The following ELAPOR2 variants were observed in gnomAD, a reference collection of about 807,000 sequenced individuals.
ELAPOR2 encodes endosome-lysosome associated apoptosis and autophagy regulator family member 2, also known as endosome/lysosome-associated apoptosis and autophagy regulator family member 2.
A neutral mutation model predicts 120.7 loss-of-function variants in ELAPOR2; 89 were observed. The observed-to-expected ratio is 0.74, with a 90% CI of 0.62 to 0.88. ELAPOR2 has a LOEUF of 0.88. Ranked by LOEUF, ELAPOR2 falls within the 40% of genes least tolerant of loss-of-function variation. The pLI is 0.00. For missense variants in ELAPOR2, 1,134 were observed against 1,251.6 expected, an observed-to-expected ratio of 0.91 and a Z score of 1.42; for synonymous variants, 444 against 444.9, an observed-to-expected ratio of 1.00 and a Z score of 0.03.
At chr7:86,904,555 A>G (rs1788879198) in intron 18 of ELAPOR2, among the ~76,000 whole-genome samples, 1 of 152,188 alleles carries the variant, frequency 6.6e-6, no homozygotes, top group African/African-American at 2.4e-5. Context: ...TTTATCTAAA[A>G]TGTTTCATAC....
At position 87,034,635 on chromosome 7, in the gene ELAPOR2, T is replaced by C. The variant is rs1190244648; in HGVS notation, c.189+24690A>G. ...AAGTTATTTCCTGCTATGCATTATT[T>C]ATATGCCTAAGAATTATCAAGTAGA... On this transcript the variant is annotated intron_variant, in intron 1 of 21. Transcript: ENST00000450689. 2.0e-5 allele frequency among the ~76,000 whole-genome samples: 3 copies of C among 152,218 alleles called. No homozygotes were observed. The East Asian group carries it at 5.8e-4, about 29-fold the overall frequency.
At chr7:86,933,046 A>G (rs1285965693) in intron 8 of ELAPOR2, among the ~76,000 whole-genome samples, 6 of 151,878 alleles carry the variant, frequency 4.0e-5, no homozygotes, top group South Asian at 4.1e-4. Context: ...TCTGACTTAT[A>G]TTCTTCTTTG....
At chr7:87,035,956 G>T (rs76665786) in intron 1 of ELAPOR2, among the ~76,000 whole-genome samples, 3,687 of 152,172 alleles carry the variant, frequency 0.024, 170 homozygotes, top group African/African-American at 0.085. Context: ...TGGTTATGCC[G>T]TCTCAAAACC....
chr7:86,950,660 C>T (rs899911355), intron 2 of ELAPOR2, among the ~76,000 whole-genome samples: 53 of 152,316 alleles, frequency 3.5e-4, no homozygotes, highest in South Asian at 1.2e-3. Flanking sequence ...GCCTGAACCC[C>T]ATGCTCACTC....
intron 10 of ELAPOR2, among the ~76,000 whole-genome samples, chr7:86,925,160 T>G (rs1214669458): frequency 6.6e-6 from 1 of 151,992 alleles, no homozygotes; most frequent in Non-Finnish European, 1.5e-5. Flanking sequence ...CAGGGCACAG[T>G]GCTGAGCCAG....
intron 7 of ELAPOR2, 107 bp from the exon 8 acceptor site, chr7:86,938,321 AC>A: frequency 1.3e-6 from 1 of 778,136 alleles, no homozygotes; most frequent in Non-Finnish European, 2.1e-6. Context: ...AAATAAACTT[AC>A]CAGGGCAATT....
chr7:86,983,689 C>T (rs1792598982), intron 1 of ELAPOR2, among the ~76,000 whole-genome samples: 1 of 152,296 alleles, frequency 6.6e-6, no homozygotes, highest in Non-Finnish European at 1.5e-5. Context: ...GAAGGAAGCA[C>T]TAAACATGGG....
At chr7:86,914,622 C>A (rs1227193798) in intron 13 of ELAPOR2, 101 bp downstream of exon 13, 2 of 914,678 alleles carry the variant, frequency 2.2e-6, no homozygotes, top group Non-Finnish European at 3.2e-6. Flanking sequence ...TTTTAAAAAG[C>A]AGTCCTTTCT....
intron 1 of ELAPOR2, among the ~76,000 whole-genome samples, chr7:87,047,271 T>C (rs1278149547): frequency 2.6e-5 from 4 of 152,088 alleles, no homozygotes; most frequent in African/African-American, 9.7e-5. Context: ...AGGATATTGG[T>C]CTGGGCAAAA....
At chr7:87,016,508 G>A (rs1258262585) in intron 1 of ELAPOR2, among the ~76,000 whole-genome samples, 1 of 151,738 alleles carries the variant, frequency 6.6e-6, no homozygotes, top group Non-Finnish European at 1.5e-5. Context: ...AGCAGTAAGA[G>A]GATGGGTACA....
At chr7:87,021,660 C>G (rs1218312686) in intron 1 of ELAPOR2, among the ~76,000 whole-genome samples, 2 of 152,116 alleles carry the variant, frequency 1.3e-5, no homozygotes, top group Non-Finnish European at 2.9e-5. Context: ...AAATATTACC[C>G]AACTGTTTCC....
intron 2 of ELAPOR2, among the ~76,000 whole-genome samples, chr7:86,958,100 A>G (rs1791550311): frequency 6.6e-6 from 1 of 152,180 alleles, no homozygotes. Context: ...TTCAATATAT[A>G]CTAGCAGTGT....
chr7:86,920,692 T>G (rs919351656), intron 10 of ELAPOR2: 1 of 152,132 alleles, frequency 6.6e-6, no homozygotes, highest in Non-Finnish European at 1.5e-5. Flanking sequence ...CCTCCACTTT[T>G]TCCTCTGTCC....
chr7:86,916,785 G>A (rs1562920102), intron 12 of ELAPOR2, among the ~76,000 whole-genome samples: 2 of 151,968 alleles, frequency 1.3e-5, no homozygotes, highest in African/African-American at 4.8e-5. Flanking sequence ...GGATAGCTTT[G>A]TTGTTCAAGC....
intron 1 of ELAPOR2, chr7:86,965,678 A>C: frequency 3.1e-6 from 1 of 322,376 alleles, no homozygotes. Context: ...TCTCACAATG[A>C]CCTCCCTTGG....
intron 1 of ELAPOR2, among the ~76,000 whole-genome samples, chr7:86,987,309 C>G (rs984516987): frequency 2.0e-4 from 31 of 152,118 alleles, no homozygotes; most frequent in Non-Finnish European, 4.0e-4. Context: ...GATGAAAACA[C>G]CAAAAGCAAC....
At chr7:87,034,645 A>T (rs1046427797) in intron 1 of ELAPOR2, among the ~76,000 whole-genome samples, 2 of 152,176 alleles carry the variant, frequency 1.3e-5, no homozygotes, top group African/African-American at 4.8e-5. Context: ...TATATGCCTA[A>T]GAATTATCAA....
chr7:86,994,274 C>T (rs906725200), intron 1 of ELAPOR2, among the ~76,000 whole-genome samples: 1 of 152,082 alleles, frequency 6.6e-6, no homozygotes, highest in Admixed American at 6.6e-5. Flanking sequence ...TCCTTTCTTC[C>T]AAACACACAG....
chr7:86,990,044 T>A (rs1041992415), intron 1 of ELAPOR2, among the ~76,000 whole-genome samples: 3 of 151,866 alleles, frequency 2.0e-5, no homozygotes, highest in African/African-American at 4.8e-5. Context: ...CTCTTATTTT[T>A]TTTTTATTTT....
Sources: allele counts gnomAD v4.1 joint callset (sites outside exome capture counted in the v4.1 genomes callset), GRCh38; gene constraint gnomAD v4.1.1; transcripts MANE v1.5; gene names NCBI Gene and HGNC (gene_info 2026-07-23, HGNC 2026-07-21).